The following PFKFB2 variants were observed in gnomAD, a reference collection of about 807,000 sequenced individuals.
PFKFB2 encodes the protein 6-phosphofructo-2-kinase/fructose-2,6-bisphosphatase 2.
A neutral mutation model predicts 68.0 loss-of-function variants in PFKFB2; 53 were observed. The observed-to-expected ratio is 0.78, with a 90% CI of 0.63 to 0.98. The LOEUF (loss-of-function observed/expected upper bound fraction) is 0.98, where lower values mean the gene tolerates loss of function less well. PFKFB2 is among the 50% of genes least tolerant of loss of function. The pLI is 0.00. For missense variants in PFKFB2, 451 were observed against 642.0 expected (o/e 0.70, Z 3.22); for synonymous variants, 222 against 227.6 (o/e 0.98, Z 0.22).
rs1683524381 is a variant in PFKFB2, at chr1:207,073,334, T to G, written c.*963T>G. On this transcript the variant is annotated 3_prime_UTR_variant, in exon 15 of 15. Coordinates refer to ENST00000367080, the MANE Select transcript of PFKFB2 (RefSeq NM_006212.2). ...GTCTTTTCTCCCATGACTCTCAGGT[T>G]CTTTGCCAATCACAGCAACTTTTCC... The G allele has an allele frequency of 9.1e-6, 9 of 985,334 alleles. No individual in the cohort carries two copies. The highest frequency in any genetic ancestry group is 8.4e-6 in the Non-Finnish European group (7 of 829,960). The allele number at this position is 985,334 out of a possible 1,614,324, so 61.0% of individuals were successfully genotyped here. A position where few individuals can be genotyped will look rare whatever the true frequency, so the allele number is the denominator to read the frequency against.
intron 10 of PFKFB2, among the ~76,000 whole-genome samples, chr1:207,069,044 C>T (rs150425160): frequency 2.6e-3 from 392 of 152,258 alleles, no homozygotes; most frequent in African/African-American, 8.8e-3. Flanking sequence ...CGTGCCCGGC[C>T]GACATTTCTT....
At chr1:207,042,660 C>A (rs200876338) in intron 2 of PFKFB2, among the ~76,000 whole-genome samples, 1 of 147,888 alleles carries the variant, frequency 6.8e-6, no homozygotes, top group Non-Finnish European at 1.5e-5. Flanking sequence ...GTACTCTATT[C>A]GGATCAGAAT....
upstream of PFKFB2, chr1:207,051,140 C>T (rs1230322081): frequency 1.4e-5 from 20 of 1,421,842 alleles, no homozygotes; most frequent in South Asian, 4.6e-5. Context: ...TTTTCCCCCA[C>T]CCTCAGAACG....
In PFKFB2 at chr1:207,075,236, T is replaced by C; in HGVS notation, c.*2865T>C. Reference sequence around the variant, plus strand: ...CATTCTGGCTCTCAGCCTGCTGTTATTTCCCCACTCTCACCTGTGCTAGTT... The same window carrying C: ...CATTCTGGCTCTCAGCCTGCTGTTACTTCCCCACTCTCACCTGTGCTAGTT... On this transcript the variant is annotated 3_prime_UTR_variant, in exon 15 of 15. Coordinates refer to ENST00000367080, the MANE Select transcript of PFKFB2 (RefSeq NM_006212.2). 1 of 985,502 alleles carries C rather than the reference T, an allele frequency of 1.0e-6. No homozygotes were observed. Among genetic ancestry groups the C allele is most frequent in the Non-Finnish European group, 1.2e-6 (1 of 829,968 alleles). The allele number at this position is 985,502 out of a possible 1,614,324, so 61.0% of individuals were successfully genotyped here.
downstream of PFKFB2, chr1:207,079,097 C>T: frequency 7.9e-7 from 1 of 1,263,038 alleles, no homozygotes; most frequent in African/African-American, 1.5e-5. Flanking sequence ...TTCACAGAGG[C>T]TAGAACAGGA....
rs4142864 is a variant in PFKFB2 at position 207,070,023 on chromosome 1, C to A, written c.1093-257C>A. ...TTAATCTGTGGGAAGAAAAAACACA[C>A]ACACACAGGTTGAACTCACACTTCC... On this transcript the variant is annotated intron_variant, in intron 11 of 14. Coordinates refer to ENST00000367080, the MANE Select transcript of PFKFB2 (RefSeq NM_006212.2). This position sits in a 1 kb window ranked among gnomAD's most constrained non-coding sequence, Gnocchi z 4.2. 1.4e-5 allele frequency among the ~76,000 whole-genome samples: 2 copies of A among 141,530 alleles called. No homozygotes were observed. The highest frequency in any genetic ancestry group is 3.6e-3 in the Middle Eastern group (1 of 280). The allele number at this position is 141,530 out of a possible 152,430, so 92.8% of individuals were successfully genotyped here.
At chr1:207,045,101 G>A (rs779946564) in intron 2 of PFKFB2, 78 of 152,302 alleles carry the variant, frequency 5.1e-4, no homozygotes, top group Admixed American at 3.7e-3. Flanking sequence ...GTTTCACTTT[G>A]GACTTAAAAT....
At chr1:207,048,268 G>A (rs1421837238) in intron 2 of PFKFB2, 2 of 152,596 alleles carry the variant, frequency 1.3e-5, no homozygotes, top group African/African-American at 2.4e-5. Context: ...TACATTCTAC[G>A]TTTTATATGC....
chr1:207,057,355 G>A (rs1398644104), intron 2 of PFKFB2, among the ~76,000 whole-genome samples: 1 of 144,806 alleles, frequency 6.9e-6, no homozygotes, highest in Admixed American at 6.9e-5. Context: ...GCGGGCGCCT[G>A]TAGTCCCAGC....
intron 1 of PFKFB2, among the ~76,000 whole-genome samples, chr1:207,036,545 C>G (rs750917854): frequency 2.0e-5 from 3 of 152,224 alleles, no homozygotes; most frequent in Non-Finnish European, 4.4e-5. Context: ...CTGTCTACCT[C>G]TCTTTCACTC....
rs555190455 is a variant in PFKFB2, at chr1:207,076,986, A to G, written c.*4615A>G. ...TCTTTATAGGGGAGTTCTGTACACT[A>G]TGATTTTAAATAGATATTTCTTATA... is the stretch of plus-strand genomic sequence containing the variant. On this transcript the variant is annotated 3_prime_UTR_variant, in exon 15 of 15. Transcript: ENST00000367080. 9 of 980,902 alleles carry G rather than the reference A, an allele frequency of 9.2e-6. No homozygotes were observed. In the East Asian group the frequency reaches 9.1e-4, roughly 99 times the overall value. The allele number at this position is 980,902 out of a possible 1,614,324, so 60.8% of individuals were successfully genotyped here.
intron 3 of PFKFB2, 101 bp downstream of exon 3, chr1:207,062,179 T>A (rs1683138841): frequency 6.7e-7 from 1 of 1,493,902 alleles, no homozygotes; most frequent in Non-Finnish European, 9.1e-7. Context: ...ATAGGGTGCT[T>A]TTGGCAGAAA....
At position 207,077,677 on chromosome 1, in the gene PFKFB2, C is replaced by T. The variant is rs1683667677; in HGVS notation, c.*5306C>T. The T allele has an allele frequency of 1.0e-6, 1 of 985,662 alleles. No homozygotes were observed. The highest frequency in any genetic ancestry group is 6.1e-5 in the Admixed American group (1 of 16,270). 61.1% of individuals were successfully genotyped at this position (985,662 alleles called of 1,614,324 possible). ...AAATAGGAACATAAGTCTTTAGCAA[C>T]ATTCTGATTTAATCGGGTGACACTG... On this transcript the variant is annotated 3_prime_UTR_variant, in exon 15 of 15. Transcript: ENST00000367080.
chr1:207,063,891 GTGT>G lies in PFKFB2; in HGVS notation c.507+63_507+65del. The G allele has an allele frequency of 1.0e-5, 8 of 774,240 alleles. No homozygotes were observed. The highest frequency in any genetic ancestry group is 5.1e-5 in the African/African-American group (3 of 58,742). The allele number at this position is 774,240 out of a possible 1,614,324, so 48.0% of individuals were successfully genotyped here. On this transcript the variant is annotated intron_variant, in intron 7 of 14. Coordinates refer to ENST00000367080, the MANE Select transcript of PFKFB2 (RefSeq NM_006212.2). The surrounding 1 kb of genome is among the most constrained non-coding windows in gnomAD (Gnocchi z 4.1). ...TTTTGTGCTGTGTGTGTTGTGGGGT[GTGT>G]GTGTGTGTGTGTGTGTGTGTGTTGT...
chr1:207,051,157 T>C, upstream of PFKFB2: 2 of 1,417,748 alleles, frequency 1.4e-6, no homozygotes, highest in Non-Finnish European at 1.8e-6. Flanking sequence ...AACGAAGATG[T>C]AAACCTCCGT....
intron 12 of PFKFB2, 62 bp from the exon 13 acceptor site, chr1:207,071,126 A>T: frequency 7.6e-7 from 1 of 1,308,680 alleles, no homozygotes; most frequent in Non-Finnish European, 1.1e-6. Flanking sequence ...TCTTTCTTCC[A>T]CTAACTTGAC....
At position 207,074,493 on chromosome 1, in the gene PFKFB2, A is replaced by G. The variant is rs1289660532; in HGVS notation, c.*2122A>G. Reference sequence around the variant, plus strand: ...AGGTGCAGACCCTGCCAGGATGATAAAGGTTGTCATCACTGGCAACTGACT... The same window carrying G: ...AGGTGCAGACCCTGCCAGGATGATAGAGGTTGTCATCACTGGCAACTGACT... On this transcript the variant is annotated 3_prime_UTR_variant, in exon 15 of 15. Coordinates refer to ENST00000367080, the MANE Select transcript of PFKFB2 (RefSeq NM_006212.2). 1.0e-6 allele frequency: 1 copy of G among 985,252 alleles called. No individual in the cohort carries two copies. The highest frequency in any genetic ancestry group is 1.2e-6 in the Non-Finnish European group (1 of 829,916). 61.0% of individuals were successfully genotyped at this position (985,252 alleles called of 1,614,324 possible). A position where few individuals can be genotyped will look rare whatever the true frequency, so the allele number is the denominator to read the frequency against.
rs1683670295 is a variant in PFKFB2 at position 207,077,772 on chromosome 1, G to C, written c.*5401G>C. The C allele has an allele frequency of 1.0e-6, 1 of 985,542 alleles. No individual in the cohort carries two copies. The highest frequency in any genetic ancestry group is 1.2e-6 in the Non-Finnish European group (1 of 829,776). The allele number at this position is 985,542 out of a possible 1,614,324, so 61.0% of individuals were successfully genotyped here. A position where few individuals can be genotyped will look rare whatever the true frequency, so the allele number is the denominator to read the frequency against. On this transcript the variant is annotated 3_prime_UTR_variant, in exon 15 of 15. Coordinates refer to ENST00000367080, the MANE Select transcript of PFKFB2 (RefSeq NM_006212.2). Reference sequence around the variant, plus strand: ...GTATTTGAAATGTGTTTTTGTGTGCGTGTGTGTAGAATGGGTAAATAAAAT... The same window carrying C: ...GTATTTGAAATGTGTTTTTGTGTGCCTGTGTGTAGAATGGGTAAATAAAAT...
Position 207,060,405 on chromosome 1 carries a change from C to T in PFKFB2, c.86-1548C>T, listed in dbSNP as rs375795424. Reference sequence around the variant, plus strand: ...ATGCTTCTCAATTGTCTTGCTTTTACGTGGGCCATGGTGGCAGATTGGCCC... The same window carrying T: ...ATGCTTCTCAATTGTCTTGCTTTTATGTGGGCCATGGTGGCAGATTGGCCC... On this transcript the variant is annotated intron_variant, in intron 2 of 14. Transcript: ENST00000367080. Among the ~76,000 whole-genome samples the T allele has an allele frequency of 1.8e-4, 28 of 152,346 alleles. No homozygotes were observed. In the East Asian group the frequency reaches 2.9e-3, roughly 16 times the overall value.
Sources: gnomAD v4.1 joint callset for allele counts (sites outside exome capture counted in the v4.1 genomes callset) on GRCh38, gnomAD v4.1.1 for gene constraint, Gnocchi (gnomAD v3.1) non-coding constraint, MANE v1.5 for transcripts, NCBI Gene and HGNC (gene_info 2026-07-23, HGNC 2026-07-21) for gene names.